The following GRID2 variants were observed in gnomAD, a reference collection of about 807,000 sequenced individuals.
GRID2 encodes the protein glutamate ionotropic receptor delta type subunit 2.
Under a neutral mutation model 114.8 loss-of-function variants are expected in GRID2, and 33 were observed. That is an observed-to-expected ratio of 0.29 (90% CI 0.22 to 0.38). The LOEUF (loss-of-function observed/expected upper bound fraction) is 0.38. Among genes scored for constraint, GRID2 ranks in the 10% least tolerant of loss-of-function variants. GRID2 has a pLI of 1.00. For missense variants in GRID2, 1,184 were observed against 1,257.7 expected, an observed-to-expected ratio of 0.94 and a Z score of 0.89; for synonymous variants, 505 against 449.9, an observed-to-expected ratio of 1.12 and a Z score of -1.55.
chr4:93,380,883 T>A (rs1388827515), intron 8 of GRID2, among the ~76,000 whole-genome samples: 1 of 152,060 alleles, frequency 6.6e-6, no homozygotes, highest in Non-Finnish European at 1.5e-5. Context: ...ATAGCTTACC[T>A]CTGTTCTACA....
At chr4:92,878,912 G>A (rs953866251) in intron 2 of GRID2, among the ~76,000 whole-genome samples, 12 of 152,016 alleles carry the variant, frequency 7.9e-5, no homozygotes, top group African/African-American at 2.9e-4. Flanking sequence ...AAACCCGTGA[G>A]GCTATCTAAA....
chr4:92,490,374 T>G (rs1488910450), intron 1 of GRID2, among the ~76,000 whole-genome samples: 2 of 152,198 alleles, frequency 1.3e-5, no homozygotes, highest in Non-Finnish European at 2.9e-5. Context: ...CTTATGTGCT[T>G]GTAATTTTTG....
chr4:93,766,710 C>A (rs113344110), intron 14 of GRID2, among the ~76,000 whole-genome samples: 130 of 152,306 alleles, frequency 8.5e-4, no homozygotes, highest in African/African-American at 3.1e-3. Context: ...AAGATGACTA[C>A]ATTTTTCCTC....
At chr4:92,646,768 C>A (rs529825903) in intron 2 of GRID2, among the ~76,000 whole-genome samples, 2 of 152,324 alleles carry the variant, frequency 1.3e-5, no homozygotes, top group Admixed American at 6.5e-5. Context: ...TTTAAAATTG[C>A]ACCCATTTTG....
At chr4:93,468,535 G>C (rs1413704400) in intron 11 of GRID2, among the ~76,000 whole-genome samples, 2 of 152,102 alleles carry the variant, frequency 1.3e-5, no homozygotes, top group Non-Finnish European at 2.9e-5. Flanking sequence ...TGAAGGATAG[G>C]AAGGAATATA....
chr4:92,304,601 GAAA>G lies in GRID2; in HGVS notation c.-46_-44del. 1 of 1,039,756 alleles carries G rather than the reference GAAA, an allele frequency of 9.6e-7. No individual in the cohort carries two copies. The highest frequency in any genetic ancestry group is 2.9e-5 in the East Asian group (1 of 33,982). 64.4% of individuals were successfully genotyped at this position (1,039,756 alleles called of 1,614,324 possible). On this transcript the variant is annotated 5_prime_UTR_variant, in exon 1 of 16. Transcript: ENST00000282020. ...TGACCTCAAACTCTTTGGACTGTTT[GAAA>G]AAAAAAAAATTGGAAGAAAATCCAT...
chr4:92,884,496 T>G (rs1280138581), intron 2 of GRID2, among the ~76,000 whole-genome samples: 1 of 152,118 alleles, frequency 6.6e-6, no homozygotes, highest in East Asian at 1.9e-4. Flanking sequence ...GCTTTTGCCC[T>G]GTCTTGGCAT....
chr4:93,791,161 T>C (rs1734685812), intron 1 of GRID2, among the ~76,000 whole-genome samples: 1 of 152,204 alleles, frequency 6.6e-6, no homozygotes, highest in South Asian at 2.1e-4. Flanking sequence ...TTAGTCACCC[T>C]GTTATTTAGC....
chr4:93,164,999 G>A (rs138411499), intron 4 of GRID2, among the ~76,000 whole-genome samples: 1 of 152,184 alleles, frequency 6.6e-6, no homozygotes, highest in East Asian at 1.9e-4. Flanking sequence ...TTAGCAGGAA[G>A]ACCCTGGAGA....
intron 12 of GRID2, among the ~76,000 whole-genome samples, chr4:93,512,734 AAT>A (rs1729318912): frequency 6.6e-6 from 1 of 152,186 alleles, no homozygotes; most frequent in African/African-American, 2.4e-5. Flanking sequence ...TCACATGGGC[AAT>A]ATATTAAGAT....
chr4:93,009,903 T>A (rs543578305), intron 2 of GRID2, among the ~76,000 whole-genome samples: 1 of 152,212 alleles, frequency 6.6e-6, no homozygotes, highest in South Asian at 2.1e-4. Flanking sequence ...AGATAGATCT[T>A]CTCAAGTGCT....
At chr4:93,556,519 T>A (rs1030592740) in intron 13 of GRID2, among the ~76,000 whole-genome samples, 4 of 151,996 alleles carry the variant, frequency 2.6e-5, no homozygotes, top group African/African-American at 9.7e-5. Context: ...AGATTGAAGA[T>A]CAACTTAATG....
At chr4:93,385,489 A>G (rs749960364) in intron 8 of GRID2, among the ~76,000 whole-genome samples, 10 of 152,144 alleles carry the variant, frequency 6.6e-5, no homozygotes, top group Non-Finnish European at 1.3e-4. Flanking sequence ...AGAGCCATTT[A>G]TTCATGCAAT....
intron 3 of GRID2, 22 bp downstream of exon 3, chr4:93,085,301 AG>A (rs763330177): frequency 6.4e-7 from 1 of 1,568,986 alleles, no homozygotes; most frequent in Non-Finnish European, 8.8e-7. Context: ...TAATTTGTTT[AG>A]GTTTTGTAAG....
intron 9 of GRID2, among the ~76,000 whole-genome samples, chr4:93,420,172 A>G (rs957763693): frequency 6.6e-6 from 1 of 152,172 alleles, no homozygotes; most frequent in Non-Finnish European, 1.5e-5. Context: ...GATGTTCAAA[A>G]TCTAGAAATG....
chr4:93,809,391 CA>C (rs1188527193), exon 2 of GRID2: 1 of 152,142 alleles, frequency 6.6e-6, no homozygotes, highest in Admixed American at 6.5e-5. Flanking sequence ...ATCCTTTAAA[CA>C]AAGGGAGGTC....
At chr4:92,379,472 T>G (rs943672694) in intron 1 of GRID2, among the ~76,000 whole-genome samples, 2 of 152,036 alleles carry the variant, frequency 1.3e-5, no homozygotes, top group African/African-American at 4.8e-5. Flanking sequence ...ATGCTAAATA[T>G]TACTATTTAT....
chr4:93,199,383 A>G (rs1741842827), intron 4 of GRID2, among the ~76,000 whole-genome samples: 1 of 152,200 alleles, frequency 6.6e-6, no homozygotes, highest in Admixed American at 6.5e-5. Flanking sequence ...CACATGATGA[A>G]TGCAGTCTAT....
chr4:93,798,424 C>G (rs369188360), intron 1 of GRID2, among the ~76,000 whole-genome samples: 1 of 151,984 alleles, frequency 6.6e-6, no homozygotes, highest in South Asian at 2.1e-4. Flanking sequence ...CCTTAGGGGC[C>G]GCCTAGACAA....
Sources: allele counts gnomAD v4.1 joint callset (sites outside exome capture counted in the v4.1 genomes callset), GRCh38; gene constraint gnomAD v4.1.1; transcripts MANE v1.5; gene names NCBI Gene and HGNC (gene_info 2026-07-23, HGNC 2026-07-21).